TLE3: variants seen among roughly 807,000 people sequenced by gnomAD.
The protein encoded by TLE3 is TLE family member 3, transcriptional corepressor.
In TLE3, 14 loss-of-function variants were observed where a neutral mutation model predicts 93.0. That is an observed-to-expected ratio of 0.15 (90% CI 0.10 to 0.24). The LOEUF (loss-of-function observed/expected upper bound fraction) is 0.24, where lower values mean the gene tolerates loss of function less well. TLE3 is among the 10% of genes least tolerant of loss of function. TLE3 has a pLI of 1.00. For missense variants in TLE3, 693 were observed against 1,046.6 expected, an observed-to-expected ratio of 0.66 and a Z score of 4.66; for synonymous variants, 451 against 425.0, an observed-to-expected ratio of 1.06 and a Z score of -0.75.
chr15:70,081,202 G>A (rs1348704710), intron 4 of TLE3, among the ~76,000 whole-genome samples: 1 of 152,228 alleles, frequency 6.6e-6, no homozygotes, highest in African/African-American at 2.4e-5. Context: ...TCTGCAAAAT[G>A]AAGGGATTAA....
chr15:70,083,142 A>C (rs1368149602), intron 4 of TLE3, among the ~76,000 whole-genome samples: 2 of 152,064 alleles, frequency 1.3e-5, no homozygotes, highest in Admixed American at 6.5e-5. Flanking sequence ...AGCTCTCAAA[A>C]ATGAATTAGG....
At position 70,097,852 on chromosome 15, in the gene TLE3, CACAG is replaced by C. The variant is rs1567071545; in HGVS notation, c.-1058_-1055del. 6 of 343,242 alleles carry C rather than the reference CACAG, an allele frequency of 1.7e-5. No homozygotes were observed. Among genetic ancestry groups the C allele is most frequent in the Non-Finnish European group, 3.1e-5 (6 of 191,468 alleles). 21.3% of individuals were successfully genotyped at this position (343,242 alleles called of 1,614,324 possible). A position where few individuals can be genotyped will look rare whatever the true frequency, so the allele number is the denominator to read the frequency against. ...GTGCCCCGGACCTACGGATACCACA[CACAG>C]ACAGGCGAAGGGGACGAGCACGAGG... On this transcript the variant is annotated 5_prime_UTR_variant, in exon 1 of 20. Coordinates refer to ENST00000451782, the MANE Select transcript of TLE3 (RefSeq NM_001105192.3).
At position 70,097,296 on chromosome 15, in the gene TLE3, G is replaced by T. The variant is rs1280096607; in HGVS notation, c.-498C>A. 1 of 400,380 alleles carries T rather than the reference G, an allele frequency of 2.5e-6. No homozygotes were observed. The highest frequency in any genetic ancestry group is 4.4e-6 in the Non-Finnish European group (1 of 227,570). The allele number at this position is 400,380 out of a possible 1,614,324, so 24.8% of individuals were successfully genotyped here. Reference sequence around the variant, plus strand: ...CGCGGGTCCGATCCTAGAGGCGTCCGGGCCTGGGGCTCGCGGCGAGAAGAG... The same window carrying T: ...CGCGGGTCCGATCCTAGAGGCGTCCTGGCCTGGGGCTCGCGGCGAGAAGAG... On this transcript the variant is annotated 5_prime_UTR_variant, in exon 1 of 20. Transcript: ENST00000451782.
At chr15:70,072,442 G>C (rs2057234009) in intron 6 of TLE3, among the ~76,000 whole-genome samples, 1 of 152,154 alleles carries the variant, frequency 6.6e-6, no homozygotes, top group African/African-American at 2.4e-5. Flanking sequence ...GCTGGAAGAG[G>C]AGAAATGTCG....
chr15:70,065,936 G>A lies in TLE3; in HGVS notation c.577+78C>T, dbSNP rs2056784988. ...GGTCTTAGGACGACAGCACTTGCTG[G>A]GTCCACTCACTGTGAGGCCTATGAG... On this transcript the variant is annotated intron_variant, in intron 7 of 19. Coordinates refer to ENST00000451782, the MANE Select transcript of TLE3 (RefSeq NM_001105192.3). 9.1e-6 allele frequency: 13 copies of A among 1,429,698 alleles called. No individual in the cohort carries two copies. The South Asian group carries it at 1.6e-4, about 18-fold the overall frequency. 88.6% of individuals were successfully genotyped at this position (1,429,698 alleles called of 1,614,324 possible).
chr15:70,052,143 C>A (rs2055606899), intron 18 of TLE3, among the ~76,000 whole-genome samples: 1 of 152,232 alleles, frequency 6.6e-6, no homozygotes, highest in Non-Finnish European at 1.5e-5. Flanking sequence ...CTGGCTCTGG[C>A]CTAGTGTCCT....
At chr15:70,074,486 A>G in intron 6 of TLE3, 47 bp downstream of exon 6, 1 of 1,583,582 alleles carries the variant, frequency 6.3e-7, no homozygotes, top group East Asian at 2.3e-5. Context: ...TGAGAGGAAT[A>G]AAAGGGCTAT....
intron 9 of TLE3, among the ~76,000 whole-genome samples, chr15:70,060,219 G>A (rs2056375993): frequency 6.6e-6 from 1 of 152,242 alleles, no homozygotes; most frequent in Non-Finnish European, 1.5e-5. Flanking sequence ...TTAGAGCCAA[G>A]TGGGATTCCG....
At chr15:70,095,013 A>T (rs994289045) in intron 3 of TLE3, among the ~76,000 whole-genome samples, 6 of 152,222 alleles carry the variant, frequency 3.9e-5, no homozygotes, top group Admixed American at 6.5e-5. Flanking sequence ...AAAGGAAGAC[A>T]GTCTGCCTAC....
chr15:70,096,530 C>A lies in TLE3; in HGVS notation c.24+245G>T, dbSNP rs367744021. 67 of 1,337,336 alleles carry A rather than the reference C, an allele frequency of 5.0e-5. No individual in the cohort carries two copies. The Middle Eastern group carries it at 7.5e-4, about 15-fold the overall frequency. The allele number at this position is 1,337,336 out of a possible 1,614,324, so 82.8% of individuals were successfully genotyped here. On this transcript the variant is annotated intron_variant, in intron 1 of 19. Coordinates refer to ENST00000451782, the MANE Select transcript of TLE3 (RefSeq NM_001105192.3). The stretch of plus-strand genomic sequence containing the variant: ...ACAAGCCGGGTGAGTTGGGAGACTT[C>A]AGAGCGGGGCCGGGGACCGCGTGAA...
chr15:70,051,325 C>T, intron 19 of TLE3, 66 bp downstream of exon 19: 1 of 1,470,042 alleles, frequency 6.8e-7, no homozygotes, highest in Non-Finnish European at 9.3e-7. Flanking sequence ...ATCCTCACTC[C>T]CATCACCATC....
At chr15:70,094,440 AG>A (rs1441423569) in intron 4 of TLE3, 91 bp downstream of exon 4, 1 of 974,102 alleles carries the variant, frequency 1.0e-6, no homozygotes, top group African/African-American at 1.7e-5. Context: ...TCGAAGAAGC[AG>A]GCTCACTTTC....
At chr15:70,086,846 G>C (rs948123131) in intron 4 of TLE3, among the ~76,000 whole-genome samples, 2 of 152,138 alleles carry the variant, frequency 1.3e-5, no homozygotes, top group African/African-American at 4.8e-5. Flanking sequence ...CTTCCTCCCA[G>C]TTATCTCTTC....
chr15:70,086,736 C>A (rs1396865409), intron 4 of TLE3, among the ~76,000 whole-genome samples: 1 of 152,224 alleles, frequency 6.6e-6, no homozygotes, highest in African/African-American at 2.4e-5. Flanking sequence ...AAGGCCACAA[C>A]ACTTGGAACT....
At chr15:70,068,596 A>C (rs962869331) in intron 6 of TLE3, among the ~76,000 whole-genome samples, 1 of 152,230 alleles carries the variant, frequency 6.6e-6, no homozygotes, top group Non-Finnish European at 1.5e-5. Flanking sequence ...GAAGAGACAA[A>C]GAAGAGGAGG....
At chr15:70,096,565 C>G in intron 1 of TLE3, 2 of 1,488,168 alleles carry the variant, frequency 1.3e-6, no homozygotes, top group Non-Finnish European at 1.8e-6. Flanking sequence ...ACAGCTCCCC[C>G]TGGAACACAA....
rs1413755474 is a variant in TLE3, at chr15:70,058,587, G to A, written c.918+76C>T. 6.7e-7 allele frequency: 1 copy of A among 1,492,840 alleles called. No individual in the cohort carries two copies. Among genetic ancestry groups the A allele is most frequent in the African/African-American group, 1.4e-5 (1 of 71,326 alleles). 92.5% of individuals were successfully genotyped at this position (1,492,840 alleles called of 1,614,324 possible). On this transcript the variant is annotated intron_variant, in intron 11 of 19. Transcript: ENST00000451782. This position sits in a 1 kb window ranked among gnomAD's most constrained non-coding sequence, Gnocchi z 4.1. ...CCAGCTTCTCCCACTCCACCCCTCT[G>A]CCTGCCAATCGGCACCACCCCAGCT... is the stretch of plus-strand genomic sequence containing the variant.
At chr15:70,094,094 A>G (rs916332241) in intron 4 of TLE3, among the ~76,000 whole-genome samples, 10 of 152,216 alleles carry the variant, frequency 6.6e-5, no homozygotes, top group Non-Finnish European at 1.5e-4. Flanking sequence ...AGGTTCTTGA[A>G]GTTTAATCTT....
intron 8 of TLE3, 103 bp from the exon 9 acceptor site, chr15:70,060,752 G>A (rs1386507370): frequency 1.3e-6 from 2 of 1,555,452 alleles, no homozygotes; most frequent in South Asian, 2.3e-5. Flanking sequence ...TCAGGGGAGG[G>A]AAGAGAAGCT....
Sources: gnomAD v4.1 joint callset for allele counts (sites outside exome capture counted in the v4.1 genomes callset) on GRCh38, gnomAD v4.1.1 for gene constraint, Gnocchi (gnomAD v3.1) non-coding constraint, MANE v1.5 for transcripts, NCBI Gene and HGNC (gene_info 2026-07-23, HGNC 2026-07-21) for gene names.